TTC7A: variants seen among roughly 807,000 people sequenced by gnomAD.
TTC7A encodes the protein tetratricopeptide repeat protein 7A.
A neutral mutation model predicts 103.7 loss-of-function variants in TTC7A; 110 were observed. The ratio of observed to expected loss-of-function variants is 1.06; its 90% CI spans 0.91 to 1.24. The LOEUF (loss-of-function observed/expected upper bound fraction) is 1.24. TTC7A is among the 50% of genes most tolerant of loss of function. The probability of loss-of-function intolerance (pLI) is 0.00; values close to 1 mark genes in which losing one functional copy is unlikely to be tolerated. For synonymous variants in TTC7A, 521 were observed against 467.9 expected, an observed-to-expected ratio of 1.11 and a Z score of -1.47; for missense variants, 1,340 against 1,116.3, an observed-to-expected ratio of 1.20 and a Z score of -2.86.
rs566020347 is a variant in TTC7A at position 46,982,343 on chromosome 2, C to T, written c.764+3436C>T. On this transcript the variant is annotated intron_variant, in intron 5 of 19. Transcript: ENST00000319190. The stretch of plus-strand genomic sequence containing the variant: ...GAGCTGTGATTGTGCCACTGCACTA[C>T]AGCCTGAGCAGCAGAGTGAGACCCT... 4.6e-5 allele frequency among the ~76,000 whole-genome samples: 7 copies of T among 151,862 alleles called. No individual in the cohort carries two copies. The East Asian group carries it at 1.2e-3, about 25-fold the overall frequency.
At chr2:46,988,102 T>A (rs753121467) in intron 5 of TTC7A, among the ~76,000 whole-genome samples, 11 of 152,118 alleles carry the variant, frequency 7.2e-5, no homozygotes, top group Non-Finnish European at 1.6e-4. Flanking sequence ...TGTCATGCTT[T>A]GGGGCAGAGG....
chr2:46,930,517 T>A (rs57432179), intron 2 of TTC7A, among the ~76,000 whole-genome samples: 15 of 145,802 alleles, frequency 1.0e-4, no homozygotes, highest in Non-Finnish European at 1.9e-4. Context: ...TTTTTTTTTT[T>A]AGACAAAGTC....
At chr2:46,918,245 A>G (rs1418123373) in intron 2 of TTC7A, among the ~76,000 whole-genome samples, 1 of 152,194 alleles carries the variant, frequency 6.6e-6, no homozygotes, top group African/African-American at 2.4e-5. Flanking sequence ...CTGTTGTTCA[A>G]GCTAAAATTC....
At chr2:47,015,417 T>C (rs1678534138) in intron 11 of TTC7A, among the ~76,000 whole-genome samples, 4 of 152,196 alleles carry the variant, frequency 2.6e-5, no homozygotes, top group Admixed American at 2.6e-4. Flanking sequence ...ATGCCATCTC[T>C]CACCTCCTTC....
chr2:47,060,945 G>C lies in TTC7A; in HGVS notation c.2329G>C (p.Asp777His), dbSNP rs754561343. ...LYKEALTVNPDGVRIMHSLGL... is the reference protein window; with the variant it reads ...LYKEALTVNPHGVRIMHSLGL... ...CAAGGAGGCGCTCACGGTGAACCCA[G>C]ATGGCGTGCGCATCATGCATAGCCT... Residue 777 changes from aspartate (D) to histidine (H), a missense_variant, in exon 19 of 20, where the codon GAT (aspartate) becomes CAT (histidine). By Grantham distance (81) the Asp-to-His change is moderately conservative. Transcript: ENST00000319190. The C allele has an allele frequency of 1.9e-6, 3 of 1,613,520 alleles. No individual in the cohort carries two copies. Among genetic ancestry groups the C allele is most frequent in the African/African-American group, 1.3e-5 (1 of 74,908 alleles).
Position 46,941,604 on chromosome 2 carries a change from C to T in TTC7A, c.63C>T (p.Arg21=). The change falls in exon 1 of 20, where the codon CGC becomes CGT. Residue 21 remains arginine, a synonymous_variant. Transcript: ENST00000319190. This position sits in a 1 kb window ranked among gnomAD's most constrained non-coding sequence, Gnocchi z 4.2. The part of the protein sequence containing the change: ...LKVESELERC[R]AEGHWDRMPE... ...TGGAGAGCGAGCTGGAGCGCTGCCG[C>T]GCCGAGGGCCACTGGGACCGCATGC... 6.4e-7 allele frequency: 1 copy of T among 1,556,616 alleles called. No homozygotes were observed. The highest frequency in any genetic ancestry group is 8.7e-7 in the Non-Finnish European group (1 of 1,150,778).
At chr2:46,919,190 ATTAC>A (rs761048358) in intron 2 of TTC7A, among the ~76,000 whole-genome samples, 3 of 152,272 alleles carry the variant, frequency 2.0e-5, no homozygotes, top group Non-Finnish European at 2.9e-5. Flanking sequence ...TAAACTACAT[ATTAC>A]TTATTTGGAA....
intron 8 of TTC7A, among the ~76,000 whole-genome samples, chr2:46,997,168 G>C (rs544364096): frequency 3.4e-4 from 52 of 152,138 alleles, no homozygotes; most frequent in African/African-American, 1.1e-3. Flanking sequence ...TAGTAGAGAC[G>C]GGGTTTCACC....
At chr2:47,030,521 C>A (rs961272269) in intron 15 of TTC7A, among the ~76,000 whole-genome samples, 2 of 152,180 alleles carry the variant, frequency 1.3e-5, no homozygotes, top group Admixed American at 6.5e-5. Flanking sequence ...CTCCCCAAAG[C>A]TAAAGAAAGG....
chr2:46,936,144 A>C (rs1669966337), intron 2 of TTC7A, among the ~76,000 whole-genome samples: 1 of 152,194 alleles, frequency 6.6e-6, no homozygotes, highest in African/African-American at 2.4e-5. Context: ...TAGCTTCCCA[A>C]ATACTGAGCT....
chr2:47,001,269 C>T (rs1005220194), intron 8 of TTC7A, among the ~76,000 whole-genome samples: 7 of 152,082 alleles, frequency 4.6e-5, no homozygotes, highest in Non-Finnish European at 8.8e-5. Flanking sequence ...TGCCTGTGGC[C>T]CTGCAGCCAC....
chr2:46,969,629 T>A (rs1673178616), intron 3 of TTC7A, among the ~76,000 whole-genome samples: 1 of 152,002 alleles, frequency 6.6e-6, no homozygotes, highest in Non-Finnish European at 1.5e-5. Flanking sequence ...CTGGCCAGGA[T>A]GGTCTCAATC....
chr2:46,936,659 C>A (rs1434525817), upstream of TTC7A, among the ~76,000 whole-genome samples: 1 of 152,154 alleles, frequency 6.6e-6, no homozygotes, highest in Non-Finnish European at 1.5e-5. Context: ...TGCTGTCACC[C>A]AAATGTGTAC....
At chr2:47,032,914 A>G (rs923780470) in intron 15 of TTC7A, among the ~76,000 whole-genome samples, 3 of 151,516 alleles carry the variant, frequency 2.0e-5, no homozygotes, top group Admixed American at 6.6e-5. Flanking sequence ...TTATAGAGAT[A>G]TAATACTATA....
chr2:47,044,994 G>T (rs953101794), intron 15 of TTC7A, among the ~76,000 whole-genome samples: 1 of 152,186 alleles, frequency 6.6e-6, no homozygotes, highest in Non-Finnish European at 1.5e-5. Flanking sequence ...GTCTGGGTAG[G>T]GACCCTCCGA....
In TTC7A at chr2:47,023,151, T is replaced by A. The variant is rs113996939; in HGVS notation, c.1511-257T>A. 5.4e-3 allele frequency among the ~76,000 whole-genome samples: 823 copies of A among 152,348 alleles called. 5 individuals carry two copies. Among genetic ancestry groups the A allele is most frequent in the African/African-American group, 0.019 (780 of 41,582 alleles). On this transcript the variant is annotated intron_variant, in intron 12 of 19. Coordinates refer to ENST00000319190, the MANE Select transcript of TTC7A (RefSeq NM_020458.4). ...TGGGTGGGGTGCCCATGTCGTGGAA[T>A]GCTTGTAGGCATTGGCCTTTGAAAG...
intron 10 of TTC7A, among the ~76,000 whole-genome samples, chr2:47,008,201 C>T (rs1677634945): frequency 1.3e-5 from 2 of 152,182 alleles, no homozygotes; most frequent in Non-Finnish European, 2.9e-5. Context: ...ACAGTGAGTA[C>T]AGGTGGGAGA....
intron 2 of TTC7A, among the ~76,000 whole-genome samples, chr2:46,954,839 G>A (rs1671711000): frequency 6.6e-6 from 1 of 152,104 alleles, no homozygotes; most frequent in Admixed American, 6.5e-5. Flanking sequence ...CCAAAGTGCT[G>A]GGATTACAGG....
chr2:47,016,997 G>C (rs1572917517), intron 11 of TTC7A, among the ~76,000 whole-genome samples: 2 of 150,928 alleles, frequency 1.3e-5, no homozygotes. Flanking sequence ...TCAGGAGTTC[G>C]AGACCAGCCT....
Sources: gnomAD v4.1 joint callset for allele counts (sites outside exome capture counted in the v4.1 genomes callset) on GRCh38, gnomAD v4.1.1 for gene constraint, Gnocchi (gnomAD v3.1) non-coding constraint, MANE v1.5 for transcripts, NCBI Gene and HGNC (gene_info 2026-07-23, HGNC 2026-07-21) for gene names.